Variants in XRCC4 observed in about 807,000 individuals in gnomAD.
XRCC4 encodes X-ray repair cross complementing 4, also known as DNA repair protein XRCC4.
In XRCC4, 28 loss-of-function variants were observed where a neutral mutation model predicts 39.1. That is an observed-to-expected ratio of 0.72 (90% confidence interval 0.53 to 0.98). The LOEUF (loss-of-function observed/expected upper bound fraction) is 0.98. Ranked by LOEUF, XRCC4 falls within the 50% of genes least tolerant of loss-of-function variation. The probability of loss-of-function intolerance (pLI) is 0.00; values close to 1 mark genes in which losing one functional copy is unlikely to be tolerated. For missense variants in XRCC4, 350 were observed against 376.4 expected, an observed-to-expected ratio of 0.93 and a Z score of 0.58; for synonymous variants, 123 against 126.4, an observed-to-expected ratio of 0.97 and a Z score of 0.18.
chr5:83,257,804 T>C (rs1753601793), intron 6 of XRCC4, among the ~76,000 whole-genome samples: 1 of 152,110 alleles, frequency 6.6e-6, no homozygotes, highest in African/African-American at 2.4e-5. Flanking sequence ...CCATCAATGA[T>C]AGACTGGATA....
chr5:83,362,294 CAAAAAAAAAA>C, the XRCC4 span, among the ~76,000 whole-genome samples: 160 of 73,174 alleles, frequency 2.2e-3, 4 homozygotes, highest in African/African-American at 8.4e-3. Context: ...GCTATTTAGG[CAAAAAAAAAA>C]AAAAAAAAAA....
chr5:83,280,830 T>C (rs1475359819), intron 7 of XRCC4, among the ~76,000 whole-genome samples: 1 of 152,242 alleles, frequency 6.6e-6, no homozygotes, highest in African/African-American at 2.4e-5. Context: ...TGTTGTTTAG[T>C]TGTAAACTGG....
intron 3 of XRCC4, among the ~76,000 whole-genome samples, chr5:83,134,762 G>C (rs1191608831): frequency 1.3e-5 from 2 of 152,092 alleles, no homozygotes; most frequent in African/African-American, 2.4e-5. Context: ...CTCACTCTTT[G>C]GGTTCGCTCT....
intron 1 of XRCC4, among the ~76,000 whole-genome samples, chr5:83,081,199 C>T (rs188209860): frequency 3.3e-5 from 5 of 152,262 alleles, no homozygotes; most frequent in Admixed American, 2.0e-4. Context: ...CACCAGACCA[C>T]TTTCTCCCCA....
chr5:83,194,272 T>C (rs1750847750), intron 3 of XRCC4, among the ~76,000 whole-genome samples: 1 of 152,220 alleles, frequency 6.6e-6, no homozygotes, highest in South Asian at 2.1e-4. Flanking sequence ...TAACTTTGTG[T>C]GTATATTTAC....
chr5:83,165,341 C>A (rs181487240), intron 3 of XRCC4, among the ~76,000 whole-genome samples: 62 of 152,110 alleles, frequency 4.1e-4, no homozygotes, highest in African/African-American at 1.2e-3. Flanking sequence ...ATTATAGATA[C>A]AATTCCAATA....
intron 7 of XRCC4, among the ~76,000 whole-genome samples, chr5:83,275,020 G>A (rs181465393): frequency 1.6e-4 from 24 of 152,260 alleles, no homozygotes; most frequent in Admixed American, 1.6e-3. Flanking sequence ...TCAGTTAGGA[G>A]GTTTTAACAG....
the XRCC4 span, among the ~76,000 whole-genome samples, chr5:83,370,167 TTGACAACTG>T: frequency 6.6e-6 from 1 of 152,172 alleles, no homozygotes; most frequent in Non-Finnish European, 1.5e-5. Flanking sequence ...TAAACTTTCC[TTGACAACTG>T]TGAGGACTTT....
chr5:83,241,525 A>G (rs903831017), intron 6 of XRCC4, among the ~76,000 whole-genome samples: 1 of 152,136 alleles, frequency 6.6e-6, no homozygotes, highest in African/African-American at 2.4e-5. Context: ...TCCACCTTTC[A>G]AAAGTGTCAT....
chr5:83,364,401 G>A, the XRCC4 span, among the ~76,000 whole-genome samples: 1 of 152,096 alleles, frequency 6.6e-6, no homozygotes, highest in East Asian at 1.9e-4. Context: ...CCACCTCCCT[G>A]ATGATTTTTG....
intron 3 of XRCC4, among the ~76,000 whole-genome samples, chr5:83,181,110 C>T (rs1365973244): frequency 1.4e-5 from 2 of 141,614 alleles, no homozygotes; most frequent in East Asian, 2.1e-4. Flanking sequence ...CTCCCTTGTT[C>T]CATTTCCTTT....
At chr5:83,158,954 A>T (rs1205711598) in intron 3 of XRCC4, among the ~76,000 whole-genome samples, 1 of 152,174 alleles carries the variant, frequency 6.6e-6, no homozygotes, top group Admixed American at 6.6e-5. Context: ...CTGTGCTACT[A>T]TGAGCTGACG....
intron 7 of XRCC4, among the ~76,000 whole-genome samples, chr5:83,325,459 C>T (rs1293086170): frequency 2.0e-5 from 3 of 152,012 alleles, no homozygotes; most frequent in Non-Finnish European, 2.9e-5. Context: ...TGCTCTCCCT[C>T]CCCCAACACC....
intron 6 of XRCC4, among the ~76,000 whole-genome samples, chr5:83,235,750 G>A (rs929754165): frequency 1.3e-4 from 20 of 151,390 alleles, no homozygotes; most frequent in African/African-American, 2.9e-4. Flanking sequence ...AAGAAATTAA[G>A]GGCATTAAAT....
rs1746125555 is a variant in XRCC4 at position 83,104,965 on chromosome 5, A to G, written c.46A>G (p.Ile16Val). The G allele has an allele frequency of 3.1e-6, 5 of 1,613,508 alleles. No homozygotes were observed. Among genetic ancestry groups the G allele is most frequent in the Non-Finnish European group, 4.2e-6 (5 of 1,179,726 alleles). The stretch of plus-strand genomic sequence containing the variant: ...AATCCACCTTGTTTCTGAACCCAGT[A>G]TAACTCATTTTCTACAAGTATCTTG... ...SRIHLVSEPS[I>V]THFLQVSWEK... Residue 16 changes from isoleucine (I) to valine (V), a missense_variant, in exon 2 of 8, where the codon ATA becomes GTA. Ile to Val is a conservative substitution (Grantham distance 29). Coordinates refer to ENST00000396027, the MANE Select transcript of XRCC4 (RefSeq NM_003401.5).
At chr5:83,079,087 T>C (rs901489951) in intron 1 of XRCC4, among the ~76,000 whole-genome samples, 1 of 152,244 alleles carries the variant, frequency 6.6e-6, no homozygotes, top group Non-Finnish European at 1.5e-5. Context: ...GAAGCTCTGC[T>C]TCAGGCTACC....
In XRCC4 at chr5:83,318,430, C is replaced by T. The variant is rs1347569570; in HGVS notation, c.894-34701C>T. Among the ~76,000 whole-genome samples, 521 of 108,974 alleles carry T rather than the reference C, an allele frequency of 4.8e-3. 1 individual carries two copies. Among genetic ancestry groups the T allele is most frequent in the African/African-American group, 0.026 (494 of 19,132 alleles). 71.5% of individuals were successfully genotyped at this position (108,974 alleles called of 152,430 possible). On this transcript the variant is annotated intron_variant, in intron 7 of 7. Coordinates refer to ENST00000396027, the MANE Select transcript of XRCC4 (RefSeq NM_003401.5). ...AAGTCAAATTGTCCCTGTTTGCAGA[C>T]GACATGATTGTTTATCTAGAAAACC... is the stretch of plus-strand genomic sequence containing the variant.
chr5:83,335,872 C>CT (rs904830994), intron 7 of XRCC4, among the ~76,000 whole-genome samples: 1 of 151,742 alleles, frequency 6.6e-6, no homozygotes, highest in Non-Finnish European at 1.5e-5. Context: ...TAAAAATAAG[C>CT]TTTTTTTAAA....
rs16900283 is a variant in XRCC4 at position 83,283,197 on chromosome 5, A to G, written c.893+24520A>G. On this transcript the variant is annotated intron_variant, in intron 7 of 7. Coordinates refer to ENST00000396027, the MANE Select transcript of XRCC4 (RefSeq NM_003401.5). ...CTGCTGTAGCTATGAAATGTTTCCT[A>G]CTAAGTATAGGTTATAAAGAACGTT... 3.6e-3 allele frequency among the ~76,000 whole-genome samples: 553 copies of G among 152,292 alleles called. 12 individuals are homozygous for G. In the East Asian group the frequency reaches 0.072, roughly 20 times the overall value.
Sources: gnomAD v4.1 joint callset for allele counts (sites outside exome capture counted in the v4.1 genomes callset) on GRCh38, gnomAD v4.1.1 for gene constraint, MANE v1.5 for transcripts, NCBI Gene and HGNC (gene_info 2026-07-23, HGNC 2026-07-21) for gene names.